GALK2: variants seen among roughly 807,000 people sequenced by gnomAD.
The protein encoded by GALK2 is N-acetylgalactosamine kinase.
In GALK2, 36 loss-of-function variants were observed where a neutral mutation model predicts 52.4. That is an observed-to-expected ratio of 0.69 (90% confidence interval 0.53 to 0.91). GALK2 has a LOEUF of 0.91. GALK2 is among the 40% of genes least tolerant of loss of function. GALK2 has a pLI of 0.00. For synonymous variants in GALK2, 176 were observed against 199.1 expected (o/e 0.88, Z 0.98); for missense variants, 579 against 559.1 (o/e 1.04, Z -0.36).
chr15:49,270,569 C>G (rs1227684226), intron 5 of GALK2, among the ~76,000 whole-genome samples: 1 of 152,178 alleles, frequency 6.6e-6, no homozygotes, highest in East Asian at 1.9e-4. Flanking sequence ...GCAGTAAAAT[C>G]AATTTATTTC....
At chr15:49,212,125 C>T (rs899814267) in intron 2 of GALK2, among the ~76,000 whole-genome samples, 1 of 152,146 alleles carries the variant, frequency 6.6e-6, no homozygotes, top group African/African-American at 2.4e-5. Context: ...TGGAGTCTCG[C>T]TCTGTTGCCC....
At chr15:49,315,488 TGCCAGCACATAACAA>T (rs1260414470) in intron 8 of GALK2, among the ~76,000 whole-genome samples, 1 of 152,182 alleles carries the variant, frequency 6.6e-6, no homozygotes, top group Non-Finnish European at 1.5e-5. Flanking sequence ...CCTGATGAGT[TGCCAGCACATAACAA>T]GCCAGAACCC....
intron 5 of GALK2, among the ~76,000 whole-genome samples, chr15:49,277,411 G>T (rs1485457630): frequency 7.0e-6 from 1 of 142,808 alleles, no homozygotes; most frequent in East Asian, 2.1e-4. Flanking sequence ...CTCGTGATCC[G>T]CCCGCCTCGG....
chr15:49,354,463 C>T lies in GALK2; in HGVS notation c.427-13028C>T, dbSNP rs533075972. ...CGCAAGGGGTCAGGGAGTTCCCTTT[C>T]CGAGTCAAAGAAAGGGGTGACGGAC... On this transcript the variant is annotated intron_variant, in intron 3 of 3. Transcript: ENST00000558399. Among the ~76,000 whole-genome samples the T allele has an allele frequency of 5.7e-3, 864 of 152,326 alleles. 4 individuals are homozygous for T. Among genetic ancestry groups the T allele is most frequent in the Non-Finnish European group, 9.4e-3 (641 of 68,036 alleles).
At chr15:49,333,462 C>G (rs1010000394), downstream of GALK2, among the ~76,000 whole-genome samples, 2 of 152,140 alleles carry the variant, frequency 1.3e-5, no homozygotes, top group Admixed American at 1.3e-4. Context: ...TCTGCATATT[C>G]TCAGTGGTGA....
chr15:49,201,886 CAG>C (rs1333264807), intron 2 of GALK2, among the ~76,000 whole-genome samples: 1 of 152,038 alleles, frequency 6.6e-6, no homozygotes, highest in African/African-American at 2.4e-5. Context: ...GCTGGTATAA[CAG>C]AATTCCACAG....
intron 3 of GALK2, among the ~76,000 whole-genome samples, chr15:49,359,480 A>G (rs1363048745): frequency 1.7e-5 from 2 of 119,700 alleles, no homozygotes; most frequent in African/African-American, 6.4e-5. Context: ...CAAAAAACAC[A>G]TGAAAAAATG....
chr15:49,219,768 G>A (rs991398119), intron 3 of GALK2, among the ~76,000 whole-genome samples: 22 of 152,092 alleles, frequency 1.4e-4, no homozygotes, highest in Admixed American at 1.2e-3. Flanking sequence ...CCAAGATTGC[G>A]CCACTGCGCT....
chr15:49,346,488 A>T (rs1428557556), intron 3 of GALK2, among the ~76,000 whole-genome samples: 4 of 152,114 alleles, frequency 2.6e-5, no homozygotes, highest in Non-Finnish European at 5.9e-5. Context: ...TAGATGTGAG[A>T]GCTGTTCTCC....
At chr15:49,203,050 T>TTATTA (rs2087924233) in intron 2 of GALK2, among the ~76,000 whole-genome samples, 1 of 151,866 alleles carries the variant, frequency 6.6e-6, no homozygotes, top group South Asian at 2.1e-4. Flanking sequence ...TTATTTTATT[T>TTATTA]TATTAATTTA....
rs967546094 is a variant in GALK2 at position 49,325,761 on chromosome 15, C to A, written c.1170-2191C>A. 2.6e-5 allele frequency among the ~76,000 whole-genome samples: 4 copies of A among 152,180 alleles called. No homozygotes were observed. The East Asian group carries it at 7.7e-4, about 29-fold the overall frequency. ...CTGATTTCAGACCATGTGATTGATG[C>A]AATTCAGTCCATTTTCATCTGTAGC... On this transcript the variant is annotated intron_variant, in intron 9 of 9. Coordinates refer to ENST00000560031, the MANE Select transcript of GALK2 (RefSeq NM_002044.4).
At chr15:49,209,699 T>G (rs2088649362) in intron 2 of GALK2, among the ~76,000 whole-genome samples, 1 of 152,212 alleles carries the variant, frequency 6.6e-6, no homozygotes, top group Non-Finnish European at 1.5e-5. Context: ...TTGATCATGG[T>G]ATATAATCTT....
intron 5 of GALK2, among the ~76,000 whole-genome samples, chr15:49,259,734 C>A (rs550566306): frequency 7.8e-5 from 11 of 141,912 alleles, no homozygotes; most frequent in Non-Finnish European, 1.5e-4. Context: ...CCCCCCTCCC[C>A]CAACCCCACC....
chr15:49,317,789 C>T (rs1445572365), intron 8 of GALK2, among the ~76,000 whole-genome samples: 1 of 152,134 alleles, frequency 6.6e-6, no homozygotes, highest in Non-Finnish European at 1.5e-5. Flanking sequence ...AACTATCATT[C>T]TCAGCAAACT....
At chr15:49,281,671 G>A (rs1279713938) in intron 5 of GALK2, among the ~76,000 whole-genome samples, 1 of 152,246 alleles carries the variant, frequency 6.6e-6, no homozygotes, top group Non-Finnish European at 1.5e-5. Context: ...GATTTTCAGT[G>A]ATACCAGTCT....
intron 5 of GALK2, among the ~76,000 whole-genome samples, chr15:49,248,985 G>A (rs1199679447): frequency 6.6e-6 from 1 of 152,092 alleles, no homozygotes; most frequent in African/African-American, 2.4e-5. Flanking sequence ...TCCTTAAATC[G>A]TTATTACTCA....
intron 8 of GALK2, among the ~76,000 whole-genome samples, chr15:49,308,050 C>T (rs4775807): frequency 0.66 from 100,140 of 152,052 alleles, 33,577 homozygotes; most frequent in African/African-American, 0.74. Context: ...AAAATATTAT[C>T]ACTAGGAAAA....
intron 8 of GALK2, among the ~76,000 whole-genome samples, chr15:49,316,461 G>A (rs1365473610): frequency 7.1e-6 from 1 of 140,860 alleles, no homozygotes; most frequent in Non-Finnish European, 1.5e-5. Context: ...ATGGGGGCCT[G>A]TAGTGGGGTG....
At chr15:49,263,590 A>G (rs200630476) in intron 5 of GALK2, among the ~76,000 whole-genome samples, 42,704 of 85,294 alleles carry the variant, frequency 0.5, 11,633 homozygotes, top group African/African-American at 0.57. Context: ...ATATTGTTAT[A>G]TGTGAATTTG....
Sources: gnomAD v4.1 joint callset for allele counts (sites outside exome capture counted in the v4.1 genomes callset) on GRCh38, gnomAD v4.1.1 for gene constraint, MANE v1.5 for transcripts, NCBI Gene and HGNC (gene_info 2026-07-23, HGNC 2026-07-21) for gene names.